Variants in RNGTT observed in about 807,000 individuals in gnomAD.
RNGTT encodes the protein mRNA-capping enzyme.
In RNGTT, 33 loss-of-function variants were observed where a neutral mutation model predicts 79.3. The observed-to-expected ratio is 0.42, with a 90% CI of 0.32 to 0.56. The LOEUF (loss-of-function observed/expected upper bound fraction) is 0.56, where lower values mean the gene tolerates loss of function less well. Ranked by LOEUF, RNGTT falls within the 20% of genes least tolerant of loss-of-function variation. The pLI, the probability that RNGTT is intolerant of heterozygous loss-of-function variation, is 0.17. For missense variants in RNGTT, 497 were observed against 739.1 expected (o/e 0.67, Z 3.80); for synonymous variants, 222 against 235.9 (o/e 0.94, Z 0.54).
At chr6:88,785,482 A>T (rs9344866) in intron 12 of RNGTT, among the ~76,000 whole-genome samples, 20,777 of 151,814 alleles carry the variant, frequency 0.14, 1,543 homozygotes, top group Middle Eastern at 0.23. Context: ...GCTCTAAAAG[A>T]TGAACAAGGA....
At chr6:88,729,000 G>A (rs570018318) in intron 13 of RNGTT, among the ~76,000 whole-genome samples, 2 of 152,274 alleles carry the variant, frequency 1.3e-5, no homozygotes, top group South Asian at 2.1e-4. Flanking sequence ...TCCTCCAGTC[G>A]ACCGGGCGTG....
chr6:88,921,295 G>A (rs1027850500), intron 4 of RNGTT, among the ~76,000 whole-genome samples: 16 of 151,820 alleles, frequency 1.1e-4, no homozygotes, highest in South Asian at 8.3e-4. Context: ...TCCCAGCCTG[G>A]GTGACATAGT....
chr6:88,900,814 T>TA (rs34788854), intron 6 of RNGTT, among the ~76,000 whole-genome samples: 14,132 of 136,064 alleles, frequency 0.1, 866 homozygotes, highest in Middle Eastern at 0.21. Context: ...ATAAAGAATA[T>TA]AAAAAAGAAC....
intron 1 of RNGTT, among the ~76,000 whole-genome samples, chr6:88,961,440 C>CT (rs1269934487): frequency 1.4e-3 from 206 of 144,680 alleles, no homozygotes; most frequent in Middle Eastern, 3.6e-3. Context: ...GTACAAATTA[C>CT]TTTTTTTTTT....
intron 11 of RNGTT, among the ~76,000 whole-genome samples, chr6:88,834,711 T>C (rs149352141): frequency 5.3e-5 from 8 of 152,250 alleles, no homozygotes; most frequent in South Asian, 2.1e-4. Flanking sequence ...AACAGTGATA[T>C]AAAAATAACA....
At position 88,610,711 on chromosome 6, in the gene RNGTT, A is replaced by C. The variant is rs982492066; in HGVS notation, c.*2008T>G. On this transcript the variant is annotated 3_prime_UTR_variant, in exon 16 of 16. Transcript: ENST00000369485. ...AATTAAGTCCTGCTAAAATGCACAA[A>C]GACTTGAAGAAAATATCTGGGTGTA... is the stretch of plus-strand genomic sequence containing the variant. 2.0e-5 allele frequency: 3 copies of C among 152,252 alleles called. No individual in the cohort carries two copies. The highest frequency in any genetic ancestry group is 4.4e-5 in the Non-Finnish European group (3 of 68,038). 9.4% of individuals were successfully genotyped at this position (152,252 alleles called of 1,614,324 possible). A position where few individuals can be genotyped will look rare whatever the true frequency, so the allele number is the denominator to read the frequency against.
intron 11 of RNGTT, among the ~76,000 whole-genome samples, chr6:88,828,249 A>G (rs1186882346): frequency 1.3e-5 from 2 of 152,188 alleles, no homozygotes; most frequent in African/African-American, 4.8e-5. Context: ...CCAGGCAAAC[A>G]GGGTCTGGAC....
intron 10 of RNGTT, among the ~76,000 whole-genome samples, chr6:88,848,172 C>T (rs1265468126): frequency 1.3e-5 from 2 of 151,318 alleles, no homozygotes; most frequent in African/African-American, 4.8e-5. Flanking sequence ...CCATTTCACA[C>T]ACATCAAATT....
chr6:88,919,869 T>C (rs749092060), intron 4 of RNGTT, among the ~76,000 whole-genome samples: 15 of 152,246 alleles, frequency 9.9e-5, no homozygotes, highest in Non-Finnish European at 2.2e-4. Context: ...TTTGTATTTT[T>C]AGTAGAGACA....
At chr6:88,721,522 A>G (rs2127813522) in intron 13 of RNGTT, among the ~76,000 whole-genome samples, 1 of 152,070 alleles carries the variant, frequency 6.6e-6, no homozygotes, top group Non-Finnish European at 1.5e-5. Context: ...TCATGCTTTC[A>G]GCCCACACTC....
At position 88,770,980 on chromosome 6, in the gene RNGTT, G is replaced by A. The variant is rs567087184; in HGVS notation, c.1339-1106C>T. Reference sequence around the variant, plus strand: ...TTGACTCATTACTGCCTTGTAAGAAGTTACTTACATATTGTAAATAAATAG... The same window carrying A: ...TTGACTCATTACTGCCTTGTAAGAAATTACTTACATATTGTAAATAAATAG... On this transcript the variant is annotated intron_variant, in intron 12 of 15. Transcript: ENST00000369485. Among the ~76,000 whole-genome samples, 10 of 152,080 alleles carry A rather than the reference G, an allele frequency of 6.6e-5. No individual in the cohort carries two copies. The South Asian group carries it at 2.1e-3, about 32-fold the overall frequency.
chr6:88,766,817 T>G (rs1452095495), intron 13 of RNGTT, among the ~76,000 whole-genome samples: 1 of 152,116 alleles, frequency 6.6e-6, no homozygotes, highest in African/African-American at 2.4e-5. Flanking sequence ...ATTTTAGGCT[T>G]TGTAGAAATA....
At chr6:88,962,571 G>T (rs1198160180) in intron 1 of RNGTT, among the ~76,000 whole-genome samples, 1 of 151,958 alleles carries the variant, frequency 6.6e-6, no homozygotes, top group Non-Finnish European at 1.5e-5. Context: ...CCAGGCGTTG[G>T]AGACCAGCCT....
At chr6:88,735,572 A>G (rs1441142128) in intron 13 of RNGTT, among the ~76,000 whole-genome samples, 1 of 151,480 alleles carries the variant, frequency 6.6e-6, no homozygotes, top group African/African-American at 2.4e-5. Flanking sequence ...AGTGTTAAAA[A>G]AAAAAAAAAA....
intron 12 of RNGTT, among the ~76,000 whole-genome samples, chr6:88,798,772 T>C (rs77748105): frequency 0.016 from 2,361 of 152,310 alleles, 60 homozygotes; most frequent in African/African-American, 0.054. Context: ...AAAGAATTAT[T>C]GGAAGAACAG....
At chr6:88,650,119 C>T (rs193188800) in intron 14 of RNGTT, among the ~76,000 whole-genome samples, 32 of 152,286 alleles carry the variant, frequency 2.1e-4, no homozygotes, top group Admixed American at 8.5e-4. Flanking sequence ...GGAGCCTGCA[C>T]GGAATAGCAT....
chr6:88,778,993 T>G (rs1265848636), intron 12 of RNGTT, among the ~76,000 whole-genome samples: 2 of 152,186 alleles, frequency 1.3e-5, no homozygotes, highest in Non-Finnish European at 2.9e-5. Context: ...TTTAGAAAGT[T>G]TTTTTGGAAT....
chr6:88,695,864 T>TG (rs1382465905), intron 13 of RNGTT, among the ~76,000 whole-genome samples: 47 of 152,278 alleles, frequency 3.1e-4, no homozygotes, highest in Non-Finnish European at 1.3e-4. Context: ...GGAAGAATCT[T>TG]GAGGATGTTA....
rs1351727943 is a variant in RNGTT, at chr6:88,707,484, C to CG, written c.1440-29066_1440-29065insC. On this transcript the variant is annotated intron_variant, in intron 13 of 15. Transcript: ENST00000369485. ...ATGCTATCTAGAAAAGATGTGAACA[C>CG]TATTACACTTGGTTCTTTGTGCTTT... 6.6e-5 allele frequency among the ~76,000 whole-genome samples: 10 copies of CG among 152,142 alleles called. No individual in the cohort carries two copies. The South Asian group carries it at 1.5e-3, about 22-fold the overall frequency.
Sources: gnomAD v4.1 joint callset for allele counts (sites outside exome capture counted in the v4.1 genomes callset) on GRCh38, gnomAD v4.1.1 for gene constraint, MANE v1.5 for transcripts, NCBI Gene and HGNC (gene_info 2026-07-23, HGNC 2026-07-21) for gene names.